NOL9: variants seen among roughly 807,000 people sequenced by gnomAD.
The protein encoded by NOL9 is nucleolar protein 9.
Under a neutral mutation model 67.9 loss-of-function variants are expected in NOL9, and 28 were observed. The observed-to-expected ratio is 0.41, with a 90% confidence interval of 0.31 to 0.57. The LOEUF (loss-of-function observed/expected upper bound fraction) is 0.57, where lower values mean the gene tolerates loss of function less well. Ranked by LOEUF, NOL9 falls within the 20% of genes least tolerant of loss-of-function variation. The probability of loss-of-function intolerance (pLI) is 0.25; values close to 1 mark genes in which losing one functional copy is unlikely to be tolerated. For synonymous variants in NOL9, 356 were observed against 352.2 expected (o/e 1.01, Z -0.12); for missense variants, 777 against 897.0 (o/e 0.87, Z 1.71).
At chr1:6,535,421 A>G (rs768524107) in intron 6 of NOL9, among the ~76,000 whole-genome samples, 57 of 152,306 alleles carry the variant, frequency 3.7e-4, no homozygotes, top group Admixed American at 5.2e-4. Context: ...TCAAAAAAGG[A>G]TGGAGCCATG....
At position 6,529,040 on chromosome 1, in the gene NOL9, C is replaced by T. The variant is rs183060003; in HGVS notation, c.1779G>A (p.Gly593=). ...IQDDVRGYTN[G]PILLAQTPIC... ...TTGGAGTCTGGGCAAGCAGGATGGGCCCATTCGTGTATCCTCTGACGTCAT... is the reference window on the plus strand; with the variant it reads ...TTGGAGTCTGGGCAAGCAGGATGGGTCCATTCGTGTATCCTCTGACGTCAT... Residue 593 remains glycine (G), a synonymous_variant, in exon 10 of 12, where the codon GGG becomes GGA. Transcript: ENST00000377705. 1.9e-6 allele frequency: 3 copies of T among 1,614,070 alleles called. No individual in the cohort carries two copies. The East Asian group carries it at 6.7e-5, about 36-fold the overall frequency.
rs749245923 is a variant in NOL9 at position 6,528,988 on chromosome 1, A to G, written c.1825+6T>C. On this transcript the variant is annotated splice_donor_region_variant and intron_variant, in intron 10 of 11. Transcript: ENST00000377705. Reference sequence around the variant, plus strand: ...GTTTATGGATATGTTTTACTCTCAGACTCACCAAAGCCCAAGCAGTCACAG... The same window carrying G: ...GTTTATGGATATGTTTTACTCTCAGGCTCACCAAAGCCCAAGCAGTCACAG... 3.7e-6 allele frequency: 6 copies of G among 1,613,734 alleles called. No individual in the cohort carries two copies. In the Admixed American group the frequency reaches 1.0e-4, roughly 27 times the overall value.
chr1:6,554,106 C>T lies in NOL9; in HGVS notation c.396+1G>A. The T allele has an allele frequency of 6.6e-7, 1 of 1,524,040 alleles. No homozygotes were observed. Among genetic ancestry groups the T allele is most frequent in the Non-Finnish European group, 8.8e-7 (1 of 1,135,448 alleles). The allele number at this position is 1,524,040 out of a possible 1,614,324, so 94.4% of individuals were successfully genotyped here. A position where few individuals can be genotyped will look rare whatever the true frequency, so the allele number is the denominator to read the frequency against. On this transcript the variant is annotated splice_donor_variant, in intron 1 of 11. Coordinates refer to ENST00000377705, the MANE Select transcript of NOL9 (RefSeq NM_024654.5). LOFTEE classifies it high-confidence loss of function. ...GACTACTACCGGCGCCCCCCACCTACCTGCTCGACCGGCAGCAGCAGCAAC... is the reference window on the plus strand; with the variant it reads ...GACTACTACCGGCGCCCCCCACCTATCTGCTCGACCGGCAGCAGCAGCAAC...
intron 6 of NOL9, among the ~76,000 whole-genome samples, chr1:6,535,140 G>C (rs1192733747): frequency 6.6e-6 from 1 of 152,148 alleles, no homozygotes; most frequent in Non-Finnish European, 1.5e-5. Context: ...GGTATCTACA[G>C]AAGTACAGAT....
chr1:6,529,480 C>T (rs981157845), intron 9 of NOL9, among the ~76,000 whole-genome samples: 3 of 151,914 alleles, frequency 2.0e-5, no homozygotes, highest in Non-Finnish European at 2.9e-5. Context: ...CCCAGCTACT[C>T]GGGAGGCTAA....
At chr1:6,542,931 C>T (rs889130253) in intron 5 of NOL9, among the ~76,000 whole-genome samples, 18 of 151,930 alleles carry the variant, frequency 1.2e-4, no homozygotes, top group African/African-American at 3.9e-4. Flanking sequence ...CAGGGTGTCA[C>T]CGAGTCACCC....
rs1243171033 is a variant in NOL9, at chr1:6,522,161, T to G, written c.*3693A>C. The G allele has an allele frequency of 6.6e-6, 1 of 151,772 alleles. No homozygotes were observed. Among genetic ancestry groups the G allele is most frequent in the Admixed American group, 6.6e-5 (1 of 15,236 alleles). 9.4% of individuals were successfully genotyped at this position (151,772 alleles called of 1,614,324 possible). On this transcript the variant is annotated 3_prime_UTR_variant, in exon 12 of 12. Transcript: ENST00000377705. ...GAGCTCGAGACCAGCCTAGCCAACA[T>G]AGTAAAACCCCATCTCTACTAAAAA...
chr1:6,525,733 A>AAACACTG lies in NOL9; in HGVS notation c.*114_*120dup. On this transcript the variant is annotated 3_prime_UTR_variant, in exon 12 of 12. Transcript: ENST00000377705. ...ATATGACATTCACGAATTACACAAA[A>AAACACTG]AACACTGTTGCTAATAAGGGCACCA... 9.8e-7 allele frequency: 1 copy of AAACACTG among 1,023,556 alleles called. No homozygotes were observed. The highest frequency in any genetic ancestry group is 1.5e-6 in the Non-Finnish European group (1 of 678,354). The allele number at this position is 1,023,556 out of a possible 1,614,324, so 63.4% of individuals were successfully genotyped here.
chr1:6,549,802 A>G, intron 2 of NOL9, 104 bp from the exon 3 acceptor site: 10 of 1,384,640 alleles, frequency 7.2e-6, no homozygotes, highest in Non-Finnish European at 8.9e-6. Flanking sequence ...TTAGGAGAGT[A>G]GGAATTACGG....
At chr1:6,528,764 G>A (rs1004487137) in intron 10 of NOL9, among the ~76,000 whole-genome samples, 4 of 152,214 alleles carry the variant, frequency 2.6e-5, no homozygotes, top group Non-Finnish European at 5.9e-5. Flanking sequence ...GAAGAGGAGG[G>A]CCAAGCCCAG....
At chr1:6,551,811 C>T (rs1479401718) in intron 1 of NOL9, among the ~76,000 whole-genome samples, 2 of 151,940 alleles carry the variant, frequency 1.3e-5, no homozygotes, top group African/African-American at 4.8e-5. Flanking sequence ...GCGGGTGGAT[C>T]ACAAGGTCAG....
intron 7 of NOL9, 39 bp from the exon 8 acceptor site, chr1:6,532,799 G>T: frequency 6.5e-7 from 1 of 1,542,506 alleles, no homozygotes. Context: ...ATACACTCAA[G>T]AACAGTGACG....
At chr1:6,534,769 A>T (rs1402506177) in intron 6 of NOL9, among the ~76,000 whole-genome samples, 1 of 152,058 alleles carries the variant, frequency 6.6e-6, no homozygotes, top group Non-Finnish European at 1.5e-5. Flanking sequence ...TGAGTCGGAA[A>T]CTCATGGCTC....
intron 2 of NOL9, among the ~76,000 whole-genome samples, chr1:6,550,063 G>A (rs1446842901): frequency 1.3e-5 from 2 of 151,616 alleles, no homozygotes; most frequent in Admixed American, 1.3e-4. Flanking sequence ...ATGGGGTCTC[G>A]CTCTGTTGCC....
In NOL9 at chr1:6,525,376, C is replaced by T. The variant is rs1462302992; in HGVS notation, c.*478G>A. On this transcript the variant is annotated 3_prime_UTR_variant, in exon 12 of 12. Coordinates refer to ENST00000377705, the MANE Select transcript of NOL9 (RefSeq NM_024654.5). ...CAAATGGATGGGCTGTAACCATCCA[C>T]ACTGGCTCCAAGGAAGCAGACCGCT... is the stretch of plus-strand genomic sequence containing the variant. The T allele has an allele frequency of 5.7e-6, 1 of 176,260 alleles. No homozygotes were observed. The highest frequency in any genetic ancestry group is 2.4e-5 in the African/African-American group (1 of 41,694). The allele number at this position is 176,260 out of a possible 1,614,324, so 10.9% of individuals were successfully genotyped here.
intron 6 of NOL9, chr1:6,540,978 A>G (rs536909480): frequency 6.8e-6 from 1 of 147,846 alleles, no homozygotes; most frequent in African/African-American, 2.5e-5. Context: ...TAACTGGTGA[A>G]TTTTCAATAA....
At chr1:6,531,102 G>A (rs888082341) in intron 9 of NOL9, among the ~76,000 whole-genome samples, 5 of 152,162 alleles carry the variant, frequency 3.3e-5, no homozygotes, top group African/African-American at 1.2e-4. Flanking sequence ...TCATCATCCC[G>A]AATCCTAACA....
Position 6,554,178 on chromosome 1 carries a change from G to A in NOL9, c.325C>T (p.Arg109Trp), listed in dbSNP as rs905461693. 9 of 1,524,170 alleles carry A rather than the reference G, an allele frequency of 5.9e-6. No homozygotes were observed. The highest frequency in any genetic ancestry group is 4.1e-5 in the Admixed American group (2 of 49,102). 94.4% of individuals were successfully genotyped at this position (1,524,170 alleles called of 1,614,324 possible). Reference sequence around the variant, plus strand: ...CGCACCGGTGGGATGAGGAGAGGCCGGTGGCAACTCGAGGCGGATTCGAGT... The same window carrying A: ...CGCACCGGTGGGATGAGGAGAGGCCAGTGGCAACTCGAGGCGGATTCGAGT... ...PELESASSCH[R>W]PLLIPPVRPV... Residue 109 changes from arginine (R) to tryptophan (W), a missense_variant, in exon 1 of 12, where the codon CGG becomes TGG. Coordinates refer to ENST00000377705, the MANE Select transcript of NOL9 (RefSeq NM_024654.5).
At chr1:6,540,995 T>C (rs1639274604) in intron 6 of NOL9, 1 of 148,108 alleles carries the variant, frequency 6.8e-6, no homozygotes, top group Admixed American at 7.0e-5. Flanking sequence ...ATAAAATCTG[T>C]AGACTGGTTA....
Sources: allele counts gnomAD v4.1 joint callset (sites outside exome capture counted in the v4.1 genomes callset), GRCh38; gene constraint gnomAD v4.1.1; transcripts MANE v1.5; gene names NCBI Gene and HGNC (gene_info 2026-07-23, HGNC 2026-07-21).